Variants in KANSL1 observed in about 807,000 individuals in gnomAD.
KANSL1 encodes KAT8 regulatory NSL complex subunit 1.
In KANSL1, 22 loss-of-function variants were observed where a neutral mutation model predicts 103.6. The observed-to-expected ratio is 0.21, with a 90% CI of 0.15 to 0.30. The LOEUF (loss-of-function observed/expected upper bound fraction) is 0.30, where lower values mean the gene tolerates loss of function less well. Ranked by LOEUF, KANSL1 falls within the 10% of genes least tolerant of loss-of-function variation. The pLI is 1.00. For synonymous variants in KANSL1, 600 were observed against 527.6 expected (o/e 1.14, Z -1.88); for missense variants, 1,337 against 1,399.8 (o/e 0.96, Z 0.72).
chr17:46,197,863 A>G (rs1459636632), upstream of KANSL1, among the ~76,000 whole-genome samples: 2 of 152,262 alleles, frequency 1.3e-5, no homozygotes, highest in Non-Finnish European at 2.9e-5. Flanking sequence ...TCCCTGCCAC[A>G]GACCTTCTAA....
At chr17:46,089,047 C>G (rs1340297019) in intron 3 of KANSL1, among the ~76,000 whole-genome samples, 3 of 152,222 alleles carry the variant, frequency 2.0e-5, no homozygotes, top group Admixed American at 1.3e-4. Context: ...AAATTTAGCT[C>G]TGCCTTTTAC....
chr17:46,149,290 T>C (rs982195271), intron 2 of KANSL1, among the ~76,000 whole-genome samples: 19 of 152,232 alleles, frequency 1.2e-4, no homozygotes, highest in Non-Finnish European at 2.5e-4. Flanking sequence ...CGTAAGCCAC[T>C]GCGCCCAGCC....
At chr17:46,121,178 CTTT>C (rs76101560) in intron 2 of KANSL1, 74 of 144,288 alleles carry the variant, frequency 5.1e-4, no homozygotes, top group Non-Finnish European at 9.1e-4. Flanking sequence ...CCCCCTAACT[CTTT>C]TTTTTTTTTT....
intron 1 of KANSL1, among the ~76,000 whole-genome samples, chr17:46,173,926 C>T (rs2046401729): frequency 1.3e-5 from 2 of 152,204 alleles, no homozygotes; most frequent in Non-Finnish European, 2.9e-5. Flanking sequence ...AACTGAGTTG[C>T]AAAATGAACT....
At chr17:46,092,386 A>T (rs983214798) in intron 3 of KANSL1, among the ~76,000 whole-genome samples, 3 of 152,204 alleles carry the variant, frequency 2.0e-5, no homozygotes, top group African/African-American at 7.2e-5. Context: ...GTATCTTCTT[A>T]TACACAGCTA....
At chr17:46,118,233 TCA>T (rs1266101971) in intron 2 of KANSL1, among the ~76,000 whole-genome samples, 1 of 149,940 alleles carries the variant, frequency 6.7e-6, no homozygotes, top group Non-Finnish European at 1.5e-5. Context: ...TCTTCGGCCT[TCA>T]CAAGTGTGTC....
intron 4 of KANSL1, among the ~76,000 whole-genome samples, chr17:46,071,364 A>C (rs940240427): frequency 1.3e-5 from 2 of 152,216 alleles, no homozygotes; most frequent in Non-Finnish European, 2.9e-5. Flanking sequence ...TCTGTAATCA[A>C]GCTAGTATCC....
chr17:46,147,572 TAAA>T (rs10717937), intron 2 of KANSL1, among the ~76,000 whole-genome samples: 7,624 of 102,872 alleles, frequency 0.074, 21 homozygotes, highest in Middle Eastern at 0.12. Context: ...TGAGACTCTT[TAAA>T]AAAAAAAAAA....
rs748438022 is a variant in KANSL1, at chr17:46,172,021, G to A, written c.123C>T (p.Asn41=). 6.2e-7 allele frequency: 1 copy of A among 1,614,278 alleles called. No individual in the cohort carries two copies. Among genetic ancestry groups the A allele is most frequent in the Non-Finnish European group, 8.5e-7 (1 of 1,180,058 alleles). The change falls in exon 2 of 15, where the codon AAC becomes AAT. Residue 41 remains asparagine, a synonymous_variant. Coordinates refer to ENST00000432791, the MANE Select transcript of KANSL1 (RefSeq NM_015443.4). The stretch of plus-strand genomic sequence containing the variant: ...TGGTTCCGTTGGCAGCAATAAGGAT[G>A]TTGGCGTTGCCGTTATTTTCGGCAC... ...PGSAENNGNA[N]ILIAANGTKR...
intron 1 of KANSL1, among the ~76,000 whole-genome samples, chr17:46,209,610 C>T (rs1384849601): frequency 6.6e-6 from 1 of 152,210 alleles, no homozygotes; most frequent in Non-Finnish European, 1.5e-5. Context: ...TCTCCCACCT[C>T]AGCCTCCCAA....
At chr17:46,068,259 C>T (rs1250644804) in intron 4 of KANSL1, among the ~76,000 whole-genome samples, 1 of 152,034 alleles carries the variant, frequency 6.6e-6, no homozygotes, top group East Asian at 1.9e-4. Flanking sequence ...AAAAACTATG[C>T]TTTGTTTAAA....
chr17:46,053,395 A>G (rs1230690116), intron 6 of KANSL1, among the ~76,000 whole-genome samples: 1 of 152,192 alleles, frequency 6.6e-6, no homozygotes, highest in Non-Finnish European at 1.5e-5. Flanking sequence ...TCACTTTTAA[A>G]TTAAAAACTG....
intron 1 of KANSL1, among the ~76,000 whole-genome samples, chr17:46,213,230 C>T (rs2048218624): frequency 6.6e-6 from 1 of 152,220 alleles, no homozygotes; most frequent in South Asian, 2.1e-4. Context: ...TGTATCTAAA[C>T]TCATACTTAA....
At chr17:46,163,687 G>A (rs1027705634) in intron 2 of KANSL1, among the ~76,000 whole-genome samples, 1 of 152,216 alleles carries the variant, frequency 6.6e-6, no homozygotes, top group East Asian at 1.9e-4. Flanking sequence ...TAGTCAGCCA[G>A]GCTTAAAACT....
At chr17:46,112,880 C>G (rs2147119701) in intron 2 of KANSL1, among the ~76,000 whole-genome samples, 1 of 152,186 alleles carries the variant, frequency 6.6e-6, no homozygotes, top group Middle Eastern at 3.4e-3. Context: ...CGCCATCACG[C>G]CGGGCTAATT....
intron 2 of KANSL1, among the ~76,000 whole-genome samples, chr17:46,115,667 T>C (rs1245796348): frequency 6.6e-6 from 1 of 152,250 alleles, no homozygotes; most frequent in Non-Finnish European, 1.5e-5. Context: ...AGTTTATTTA[T>C]AGGATACTTT....
intron 1 of KANSL1, among the ~76,000 whole-genome samples, chr17:46,220,225 T>C (rs898349557): frequency 6.6e-6 from 1 of 152,170 alleles, no homozygotes; most frequent in Non-Finnish European, 1.5e-5. Flanking sequence ...TAAAATTTTT[T>C]TTTTTTTTTG....
rs2047445345 is a variant in KANSL1 at position 46,193,202 on chromosome 17, C to CT, written c.-470dup. 6.6e-6 allele frequency: 1 copy of CT among 152,032 alleles called. No individual in the cohort carries two copies. The highest frequency in any genetic ancestry group is 1.5e-5 in the Non-Finnish European group (1 of 68,306). 9.4% of individuals were successfully genotyped at this position (152,032 alleles called of 1,614,324 possible). A position where few individuals can be genotyped will look rare whatever the true frequency, so the allele number is the denominator to read the frequency against. On this transcript the variant is annotated 5_prime_UTR_variant, in exon 1 of 15. Transcript: ENST00000432791. ...GCCCCGCACAAACAAGCACCGCCGT[C>CT]TGCAGCCCGAACCCGCACCCAGGCC...
At chr17:46,191,277 A>G (rs1264964276) in intron 1 of KANSL1, among the ~76,000 whole-genome samples, 1 of 152,262 alleles carries the variant, frequency 6.6e-6, no homozygotes, top group African/African-American at 2.4e-5. Flanking sequence ...ATTAGGCACA[A>G]AACAATTACT....
Sources: allele counts gnomAD v4.1 joint callset (sites outside exome capture counted in the v4.1 genomes callset), GRCh38; gene constraint gnomAD v4.1.1; transcripts MANE v1.5; gene names NCBI Gene and HGNC (gene_info 2026-07-23, HGNC 2026-07-21).